The following RBFOX1 variants were observed in gnomAD, a reference collection of about 807,000 sequenced individuals.
RBFOX1 encodes the protein RNA binding protein fox-1 homolog 1.
In RBFOX1, 8 loss-of-function variants were observed where a neutral mutation model predicts 57.7. The ratio of observed to expected loss-of-function variants is 0.14; its 90% CI spans 0.08 to 0.25. RBFOX1 has a LOEUF of 0.25. Ranked by LOEUF, RBFOX1 falls within the 10% of genes least tolerant of loss-of-function variation. RBFOX1 has a pLI of 1.00. For missense variants in RBFOX1, 611 were observed against 548.5 expected (o/e 1.11, Z -1.14); for synonymous variants, 326 against 222.4 (o/e 1.47, Z -4.15).
At chr16:7,476,399 C>G (rs1210464913) in intron 4 of RBFOX1, among the ~76,000 whole-genome samples, 1 of 152,164 alleles carries the variant, frequency 6.6e-6, no homozygotes, top group Non-Finnish European at 1.5e-5. Context: ...GAGATGATAT[C>G]TATATAACAC....
chr16:7,272,560 A>T (rs1009413436), intron 4 of RBFOX1, among the ~76,000 whole-genome samples: 1 of 152,174 alleles, frequency 6.6e-6, no homozygotes, highest in Admixed American at 6.5e-5. Flanking sequence ...TTTATAGGCA[A>T]CTATCACTTG....
chr16:6,286,866 A>G (rs138993843), intron 1 of RBFOX1, among the ~76,000 whole-genome samples: 15 of 152,190 alleles, frequency 9.9e-5, no homozygotes, highest in Non-Finnish European at 2.1e-4. Flanking sequence ...CTGCACTAGA[A>G]TGCAACATCT....
At chr16:7,695,042 G>C (rs2078354031) in intron 14 of RBFOX1, among the ~76,000 whole-genome samples, 1 of 152,204 alleles carries the variant, frequency 6.6e-6, no homozygotes, top group Non-Finnish European at 1.5e-5. Flanking sequence ...AAAGGCGACA[G>C]AAAATGAAAG....
At chr16:7,698,825 G>A (rs1357443406) in intron 14 of RBFOX1, among the ~76,000 whole-genome samples, 6 of 152,156 alleles carry the variant, frequency 3.9e-5, no homozygotes, top group African/African-American at 1.4e-4. Flanking sequence ...AGAACCTTCT[G>A]TATATGAGGC....
intron 5 of RBFOX1, among the ~76,000 whole-genome samples, chr16:7,542,392 C>T (rs925587364): frequency 2.0e-5 from 3 of 152,056 alleles, no homozygotes; most frequent in Admixed American, 6.5e-5. Flanking sequence ...TCTGGATTAC[C>T]CGGGTCTGCA....
At chr16:7,519,377 C>T (rs879247704) in intron 5 of RBFOX1, among the ~76,000 whole-genome samples, 2 of 152,158 alleles carry the variant, frequency 1.3e-5, no homozygotes, top group Admixed American at 6.5e-5. Flanking sequence ...AATAAGGGAA[C>T]TGTCCTGTAT....
At chr16:6,351,448 A>C (rs941349598) in intron 2 of RBFOX1, among the ~76,000 whole-genome samples, 1 of 143,992 alleles carries the variant, frequency 6.9e-6, no homozygotes, top group African/African-American at 2.6e-5. Flanking sequence ...ATGTCGGCTC[A>C]CTGCAACCTC....
intron 4 of RBFOX1, among the ~76,000 whole-genome samples, chr16:7,373,079 C>G (rs2097600017): frequency 6.6e-6 from 1 of 151,858 alleles, no homozygotes; most frequent in Non-Finnish European, 1.5e-5. Flanking sequence ...CTACAGGTGC[C>G]TGCCACCATG....
chr16:5,248,192 G>C (rs2333762), intron 1 of RBFOX1, among the ~76,000 whole-genome samples: 1 of 152,204 alleles, frequency 6.6e-6, no homozygotes, highest in Non-Finnish European at 1.5e-5. Context: ...TGGTTTCTGC[G>C]AGCACAACAA....
At chr16:5,882,762 T>C (rs945288121) in intron 4 of RBFOX1, among the ~76,000 whole-genome samples, 1 of 152,172 alleles carries the variant, frequency 6.6e-6, no homozygotes, top group African/African-American at 2.4e-5. Flanking sequence ...AGACGGAATT[T>C]GACACAATAC....
At chr16:5,693,823 A>G (rs2050768171) in intron 3 of RBFOX1, among the ~76,000 whole-genome samples, 1 of 152,144 alleles carries the variant, frequency 6.6e-6, no homozygotes. Context: ...CCTCAAACTC[A>G]GCTCAAGTAT....
intron 2 of RBFOX1, among the ~76,000 whole-genome samples, chr16:6,473,193 C>A (rs921964277): frequency 2.0e-5 from 3 of 152,280 alleles, no homozygotes; most frequent in East Asian, 1.9e-4. Flanking sequence ...TGTTTTCTAG[C>A]CCTGCCTACT....
At position 5,927,885 on chromosome 16, in the gene RBFOX1, A is replaced by C. The variant is rs28784003; in HGVS notation, c.351+60550A>C. Among the ~76,000 whole-genome samples the C allele has an allele frequency of 6.2e-3, 940 of 152,244 alleles. 13 individuals are homozygous for C. Among genetic ancestry groups the C allele is most frequent in the African/African-American group, 0.022 (906 of 41,528 alleles). On this transcript the variant is annotated intron_variant, in intron 4 of 19. Coordinates refer to the RBFOX1 transcript ENST00000641259. ...ATTACACGATCCCACTTGTAAATGG[A>C]ATCTAAAAACATCAAAATCCTGGAA...
rs200992808 is a variant in RBFOX1 at position 7,710,795 on chromosome 16, G to A, written c.*50G>A. On this transcript the variant is annotated 3_prime_UTR_variant, in exon 16 of 16. Coordinates refer to ENST00000550418, the MANE Select transcript of RBFOX1 (RefSeq NM_018723.4). ...AATGTGGGGAGAAAGGAAGCTTTCC[G>A]AGGCCTGAGTATTGCAATACATGCA... 1.6e-5 allele frequency: 23 copies of A among 1,452,802 alleles called. 1 individual carries two copies. Among genetic ancestry groups the A allele is most frequent in the Middle Eastern group, 3.6e-4 (2 of 5,616 alleles). 90.0% of individuals were successfully genotyped at this position (1,452,802 alleles called of 1,614,324 possible). A position where few individuals can be genotyped will look rare whatever the true frequency, so the allele number is the denominator to read the frequency against.
intron 13 of RBFOX1, among the ~76,000 whole-genome samples, chr16:7,668,942 C>A (rs751246497): frequency 6.6e-6 from 1 of 152,130 alleles, no homozygotes; most frequent in Non-Finnish European, 1.5e-5. Context: ...CTCGCTCTGT[C>A]GCCCAGGCTG....
intron 4 of RBFOX1, among the ~76,000 whole-genome samples, chr16:7,374,674 T>C (rs1289099477): frequency 1.3e-5 from 2 of 152,186 alleles, no homozygotes; most frequent in African/African-American, 2.4e-5. Context: ...AGAAATCTTC[T>C]AGAAATACCT....
In RBFOX1 at chr16:5,896,170, A is replaced by C. The variant is rs191210149; in HGVS notation, c.351+28835A>C. Among the ~76,000 whole-genome samples the C allele has an allele frequency of 2.7e-3, 414 of 152,302 alleles. 1 individual carries two copies. Among genetic ancestry groups the C allele is most frequent in the Non-Finnish European group, 3.8e-3 (258 of 68,026 alleles). On this transcript the variant is annotated intron_variant, in intron 4 of 19. Coordinates refer to the RBFOX1 transcript ENST00000641259. ...TGGATCCCAGGAAAGGCTGTGGAGC[A>C]TGAATGGTCCCCACAGCTGGTCTCA...
At chr16:7,138,031 G>A (rs2152068207) in intron 4 of RBFOX1, among the ~76,000 whole-genome samples, 1 of 152,306 alleles carries the variant, frequency 6.6e-6, no homozygotes, top group South Asian at 2.1e-4. Flanking sequence ...TGACACAGCA[G>A]AGGAGCTGGA....
chr16:5,305,185 C>T (rs1436413802), intron 1 of RBFOX1, among the ~76,000 whole-genome samples: 1 of 152,112 alleles, frequency 6.6e-6, no homozygotes, highest in African/African-American at 2.4e-5. Context: ...AAGCTGAGTA[C>T]CACATGTTTC....
Sources: allele counts gnomAD v4.1 joint callset (sites outside exome capture counted in the v4.1 genomes callset), GRCh38; gene constraint gnomAD v4.1.1; transcripts MANE v1.5; gene names NCBI Gene and HGNC (gene_info 2026-07-23, HGNC 2026-07-21).